AKAP6: variants seen among roughly 807,000 people sequenced by gnomAD.
AKAP6 encodes the protein A-kinase anchoring protein 6.
In AKAP6, 58 loss-of-function variants were observed where a neutral mutation model predicts 188.5. The observed-to-expected ratio is 0.31, with a 90% CI of 0.25 to 0.38. The LOEUF is 0.38. Among genes scored for constraint, AKAP6 ranks in the 10% least tolerant of loss-of-function variants. The pLI, the probability that AKAP6 is intolerant of heterozygous loss-of-function variation, is 1.00. For missense variants in AKAP6, 2,710 were observed against 2,740.0 expected (o/e 0.99, Z 0.24); for synonymous variants, 989 against 998.6 (o/e 0.99, Z 0.18).
intron 1 of AKAP6, among the ~76,000 whole-genome samples, chr14:32,405,178 A>T (rs1171480454): frequency 1.3e-5 from 2 of 152,102 alleles, no homozygotes; most frequent in Non-Finnish European, 2.9e-5. Context: ...AGCAAATGCC[A>T]TTCTGGGATC....
At chr14:32,646,542 T>C (rs546221658) in intron 7 of AKAP6, among the ~76,000 whole-genome samples, 1 of 152,290 alleles carries the variant, frequency 6.6e-6, no homozygotes, top group South Asian at 2.1e-4. Context: ...TTCCTGAAAT[T>C]CTAATGGCTG....
intron 11 of AKAP6, among the ~76,000 whole-genome samples, chr14:32,766,718 G>A (rs2032730406): frequency 6.6e-6 from 1 of 151,926 alleles, no homozygotes; most frequent in Non-Finnish European, 1.5e-5. Flanking sequence ...CCCATTCTGT[G>A]GTTTTTCTTT....
chr14:32,378,892 G>T (rs190711504), intron 1 of AKAP6, among the ~76,000 whole-genome samples: 1 of 150,126 alleles, frequency 6.7e-6, no homozygotes, highest in East Asian at 2.0e-4. Flanking sequence ...ATTGAAGAGT[G>T]TAGGATTCTT....
At chr14:32,811,553 T>A (rs1046879830) in intron 12 of AKAP6, among the ~76,000 whole-genome samples, 2 of 152,144 alleles carry the variant, frequency 1.3e-5, no homozygotes, top group African/African-American at 4.8e-5. Context: ...GGATGGGGAC[T>A]TGCGTGATTG....
At chr14:32,672,947 A>G (rs1247741778) in intron 7 of AKAP6, among the ~76,000 whole-genome samples, 2 of 152,214 alleles carry the variant, frequency 1.3e-5, no homozygotes, top group Non-Finnish European at 1.5e-5. Flanking sequence ...AAATGACAAT[A>G]GCTTCCGCTG....
Position 32,409,623 on chromosome 14 carries a change from G to A in AKAP6, c.-34-23837G>A, listed in dbSNP as rs527660639. On this transcript the variant is annotated intron_variant, in intron 1 of 13. Transcript: ENST00000280979. ...GTTCCTTTCTATCTGAAATTGTGTG[G>A]TTCTCATTAAAAAGTTTTTCCTTAT... 2.6e-5 allele frequency among the ~76,000 whole-genome samples: 4 copies of A among 152,236 alleles called. No homozygotes were observed. In the East Asian group the frequency reaches 5.8e-4, roughly 22 times the overall value.
intron 13 of AKAP6, among the ~76,000 whole-genome samples, chr14:32,825,951 C>T (rs555841812): frequency 2.6e-5 from 4 of 152,184 alleles, no homozygotes; most frequent in East Asian, 3.9e-4. Context: ...TACTGATTTT[C>T]TAAAAGTAAT....
rs114930212 is a variant in AKAP6, at chr14:32,610,428, C to T, written c.2730+9636C>T. 4.0e-3 allele frequency among the ~76,000 whole-genome samples: 611 copies of T among 152,196 alleles called. 2 individuals carry two copies. The highest frequency in any genetic ancestry group is 0.014 in the African/African-American group (591 of 41,518). On this transcript the variant is annotated intron_variant, in intron 7 of 13. Transcript: ENST00000280979. ...TCCATCTATACTGCTTTTATTCATC[C>T]TTAGAATAGATAAATATTTAAAATG...
chr14:32,450,577 T>A (rs893353429), intron 2 of AKAP6, among the ~76,000 whole-genome samples: 1 of 152,158 alleles, frequency 6.6e-6, no homozygotes, highest in African/African-American at 2.4e-5. Context: ...TTAGTATACT[T>A]TCTCTTTCAA....
At chr14:32,667,352 A>G (rs561852792) in intron 7 of AKAP6, among the ~76,000 whole-genome samples, 11 of 152,176 alleles carry the variant, frequency 7.2e-5, no homozygotes, top group Middle Eastern at 3.4e-3. Flanking sequence ...GGAAATGATT[A>G]TGGTTCCCTA....
In AKAP6 at chr14:32,781,123, A is replaced by T. The variant is rs548751339; in HGVS notation, c.3588+7230A>T. Among the ~76,000 whole-genome samples the T allele has an allele frequency of 3.3e-5, 5 of 152,208 alleles. No individual in the cohort carries two copies. The South Asian group carries it at 1.0e-3, about 32-fold the overall frequency. The stretch of plus-strand genomic sequence containing the variant: ...AAATAGAAGACAGAAAAAATAATAA[A>T]GAAAAAAATCAATGAAATGAAAATC... On this transcript the variant is annotated intron_variant, in intron 12 of 13. Transcript: ENST00000280979.
chr14:32,828,608 C>G (rs75935541), intron 13 of AKAP6, among the ~76,000 whole-genome samples: 1,649 of 151,926 alleles, frequency 0.011, 31 homozygotes, highest in African/African-American at 0.038. Flanking sequence ...GCCAATTGGC[C>G]TGCCCATTTC....
chr14:32,417,778 A>C (rs1201850318), intron 1 of AKAP6: 1 of 152,128 alleles, frequency 6.6e-6, no homozygotes, highest in Non-Finnish European at 1.5e-5. Context: ...TTGTATTTTA[A>C]AAAATTAAAA....
chr14:32,735,047 A>G lies in AKAP6; in HGVS notation c.3148-611A>G, dbSNP rs376003293. Among the ~76,000 whole-genome samples, 35 of 152,302 alleles carry G rather than the reference A, an allele frequency of 2.3e-4. 2 individuals are homozygous for G. In the South Asian group the frequency reaches 7.0e-3, roughly 31 times the overall value. Reference sequence around the variant, plus strand: ...GTATTAGAAAGTCCAGCATCCAGAAATGCAAAATGGAAAGAATTGTGGGAT... The same window carrying G: ...GTATTAGAAAGTCCAGCATCCAGAAGTGCAAAATGGAAAGAATTGTGGGAT... On this transcript the variant is annotated intron_variant, in intron 10 of 13. Coordinates refer to ENST00000280979, the MANE Select transcript of AKAP6 (RefSeq NM_004274.5).
rs576676442 is a variant in AKAP6, at chr14:32,565,821, A to G, written c.2347-11299A>G. Among the ~76,000 whole-genome samples, 29 of 152,336 alleles carry G rather than the reference A, an allele frequency of 1.9e-4. No individual in the cohort carries two copies. The South Asian group carries it at 5.8e-3, about 30-fold the overall frequency. On this transcript the variant is annotated intron_variant, in intron 4 of 13. Coordinates refer to ENST00000280979, the MANE Select transcript of AKAP6 (RefSeq NM_004274.5). ...CAGGATCAGCTACTTGAGAGTTCTC[A>G]GAATAAGCTGTTCTCTCTTGGGCTT...
intron 1 of AKAP6, among the ~76,000 whole-genome samples, chr14:32,372,563 CT>C (rs11414064): frequency 1.9e-4 from 28 of 147,902 alleles, no homozygotes; most frequent in African/African-American, 5.7e-4. Context: ...TTTAAGATCA[CT>C]TTTTTTTTTT....
At chr14:32,483,013 G>GTGTGTGTGTGTGTT (rs1879445360) in intron 2 of AKAP6, among the ~76,000 whole-genome samples, 1 of 146,872 alleles carries the variant, frequency 6.8e-6, no homozygotes, top group Admixed American at 6.7e-5. Flanking sequence ...ATATATATAT[G>GTGTGTGTGTGTGTT]TATCTTGCAT....
intron 7 of AKAP6, among the ~76,000 whole-genome samples, chr14:32,653,328 C>T (rs920449240): frequency 2.0e-5 from 3 of 152,056 alleles, no homozygotes; most frequent in African/African-American, 7.2e-5. Flanking sequence ...ATTGTAATCC[C>T]CAATGCTGGA....
In AKAP6 at chr14:32,453,575, C is replaced by CTTTTTTTTTTTTTTTTTTTTTTT. The variant is rs71115071; in HGVS notation, c.324+19775_324+19797dup. ...GTGGAGATAATAGAATTTTTCTTTT[C>CTTTTTTTTTTTTTTTTTTTTTTT]TTTTTTTTTTTTTTTTTTTTTTTTT... On this transcript the variant is annotated intron_variant, in intron 2 of 13. Transcript: ENST00000280979. 8.4e-5 allele frequency among the ~76,000 whole-genome samples: 8 copies of CTTTTTTTTTTTTTTTTTTTTTTT among 95,356 alleles called. 1 individual carries two copies. The highest frequency in any genetic ancestry group is 3.5e-4 in the East Asian group (1 of 2,834). The allele number at this position is 95,356 out of a possible 152,430, so 62.6% of individuals were successfully genotyped here. A position where few individuals can be genotyped will look rare whatever the true frequency, so the allele number is the denominator to read the frequency against.
Sources: allele counts gnomAD v4.1 joint callset (sites outside exome capture counted in the v4.1 genomes callset), GRCh38; gene constraint gnomAD v4.1.1; transcripts MANE v1.5; gene names NCBI Gene and HGNC (gene_info 2026-07-23, HGNC 2026-07-21).